Variants in CAMK2D observed in about 807,000 individuals in gnomAD.
CAMK2D encodes the protein calcium/calmodulin dependent protein kinase II delta, also known as calcium/calmodulin-dependent protein kinase type II subunit delta.
In CAMK2D, 37 loss-of-function variants were observed where a neutral mutation model predicts 84.0. The ratio of observed to expected loss-of-function variants is 0.44; its 90% CI spans 0.34 to 0.58. CAMK2D has a LOEUF of 0.58. Ranked by LOEUF, CAMK2D falls within the 20% of genes least tolerant of loss-of-function variation. The probability of loss-of-function intolerance (pLI) is 0.02; values close to 1 mark genes in which losing one functional copy is unlikely to be tolerated. For missense variants in CAMK2D, 448 were observed against 652.5 expected (o/e 0.69, Z 3.41); for synonymous variants, 202 against 212.5 (o/e 0.95, Z 0.43).
At chr4:113,633,502 T>G (rs985531873) in intron 3 of CAMK2D, among the ~76,000 whole-genome samples, 8 of 152,210 alleles carry the variant, frequency 5.3e-5, no homozygotes, top group Admixed American at 2.0e-4. Flanking sequence ...GTAAATCAAT[T>G]AAAAGCTGCA....
At chr4:113,544,067 A>G (rs2098550779) in intron 6 of CAMK2D, among the ~76,000 whole-genome samples, 2 of 152,260 alleles carry the variant, frequency 1.3e-5, no homozygotes, top group Admixed American at 6.5e-5. Flanking sequence ...AATTGTCTTC[A>G]TGTGGCAATT....
chr4:113,598,406 G>A (rs1478534295), intron 4 of CAMK2D, among the ~76,000 whole-genome samples: 1 of 151,924 alleles, frequency 6.6e-6, no homozygotes, highest in African/African-American at 2.4e-5. Context: ...ACACACCTAT[G>A]TTTTATGTAA....
chr4:113,722,703 C>T (rs1445892520), intron 2 of CAMK2D, among the ~76,000 whole-genome samples: 1 of 152,078 alleles, frequency 6.6e-6, no homozygotes, highest in Non-Finnish European at 1.5e-5. Context: ...ACAAGATGTA[C>T]GGTCATGCAG....
At chr4:113,528,500 T>G (rs74422246) in intron 8 of CAMK2D, among the ~76,000 whole-genome samples, 8,516 of 151,944 alleles carry the variant, frequency 0.056, 334 homozygotes, top group Non-Finnish European at 0.081. Flanking sequence ...CAAGGAGAGA[T>G]AAACACAAAG....
At chr4:113,616,931 A>G (rs1561382679) in intron 3 of CAMK2D, among the ~76,000 whole-genome samples, 1 of 152,280 alleles carries the variant, frequency 6.6e-6, no homozygotes. Flanking sequence ...TTTGTTTTCT[A>G]AAAAGGTAAT....
chr4:113,712,478 T>C (rs2099496522), intron 2 of CAMK2D, among the ~76,000 whole-genome samples: 1 of 152,098 alleles, frequency 6.6e-6, no homozygotes, highest in Non-Finnish European at 1.5e-5. Context: ...CTGGCCCAAT[T>C]AAATATTAAC....
intron 5 of CAMK2D, among the ~76,000 whole-genome samples, chr4:113,550,615 G>T (rs916517085): frequency 2.0e-5 from 3 of 152,146 alleles, no homozygotes; most frequent in African/African-American, 7.2e-5. Context: ...TTCAAACCAA[G>T]TAACAGCCTG....
intron 17 of CAMK2D, 29 bp from the exon 18 acceptor site, chr4:113,460,270 A>G (rs1305380511): frequency 8.7e-7 from 1 of 1,152,812 alleles, no homozygotes; most frequent in East Asian, 2.3e-5. Flanking sequence ...GAAAACAACC[A>G]ATTAATAGGT....
At position 113,547,665 on chromosome 4, in the gene CAMK2D, G is replaced by A. The variant is rs759254313; in HGVS notation, c.393C>T (p.Gly131=). 1.0e-5 allele frequency: 16 copies of A among 1,568,852 alleles called. No individual in the cohort carries two copies. The highest frequency in any genetic ancestry group is 1.8e-5 in the Admixed American group (1 of 56,284). ...TCACCTTCAGGTCCCGATGGACCAC[G>A]CCCATCTGATGGCAGTGTAGCACAG... ...LEAVLHCHQM[G]VVHRDLKPEN... Residue 131 remains glycine (G), a synonymous_variant, in exon 6 of 21, where the codon GGC becomes GGT. Coordinates refer to ENST00000511664, the MANE Select transcript of CAMK2D (RefSeq NM_001321571.2).
In CAMK2D at chr4:113,527,255, A is replaced by G. The variant is rs2098424911; in HGVS notation, c.601+3961T>C. ...CAGATGATGATGATGATATTTTAGCAATACAGTTTTTTTTTTTCTTTTTTC... is the reference window on the plus strand; with the variant it reads ...CAGATGATGATGATGATATTTTAGCGATACAGTTTTTTTTTTTCTTTTTTC... On this transcript the variant is annotated intron_variant, in intron 8 of 20. Transcript: ENST00000511664. Among the ~76,000 whole-genome samples, 3 of 149,504 alleles carry G rather than the reference A, an allele frequency of 2.0e-5. No homozygotes were observed. The Admixed American group carries it at 2.0e-4, about 10-fold the overall frequency.
intron 2 of CAMK2D, among the ~76,000 whole-genome samples, chr4:113,685,845 C>A (rs55786712): frequency 0.18 from 27,337 of 151,878 alleles, 2,926 homozygotes; most frequent in South Asian, 0.32. Flanking sequence ...AGGTGGATCA[C>A]TTGAGGTCAG....
chr4:113,539,617 C>T (rs1375424263), intron 6 of CAMK2D, among the ~76,000 whole-genome samples: 2 of 152,162 alleles, frequency 1.3e-5, no homozygotes, highest in Non-Finnish European at 2.9e-5. Flanking sequence ...GGCAAATACT[C>T]ATAACTAACG....
chr4:113,658,332 A>AT (rs1339377720), intron 3 of CAMK2D, among the ~76,000 whole-genome samples: 5 of 152,144 alleles, frequency 3.3e-5, no homozygotes, highest in Non-Finnish European at 7.4e-5. Flanking sequence ...CTCTCATTAG[A>AT]TAAAAAGCTT....
Position 113,620,116 on chromosome 4 carries a change from G to C in CAMK2D, c.221-10910C>G, listed in dbSNP as rs551844047. Among the ~76,000 whole-genome samples, 33 of 152,266 alleles carry C rather than the reference G, an allele frequency of 2.2e-4. 1 individual carries two copies. The South Asian group carries it at 6.6e-3, about 31-fold the overall frequency. On this transcript the variant is annotated intron_variant, in intron 3 of 20. Coordinates refer to ENST00000511664, the MANE Select transcript of CAMK2D (RefSeq NM_001321571.2). Reference sequence around the variant, plus strand: ...ATGTGTTTCTCAAAGATAGGGTTGGGTAAGGATGGAGGTAGGGGATATTGA... The same window carrying C: ...ATGTGTTTCTCAAAGATAGGGTTGGCTAAGGATGGAGGTAGGGGATATTGA...
At chr4:113,470,790 G>A (rs2097538747) in intron 16 of CAMK2D, among the ~76,000 whole-genome samples, 1 of 152,144 alleles carries the variant, frequency 6.6e-6, no homozygotes, top group Non-Finnish European at 1.5e-5. Context: ...CGATTAATCA[G>A]TTTTCTCTAT....
chr4:113,597,082 T>C (rs1025039776), intron 4 of CAMK2D, among the ~76,000 whole-genome samples: 1 of 152,174 alleles, frequency 6.6e-6, no homozygotes, highest in South Asian at 2.1e-4. Context: ...CCTCCCAAAG[T>C]GCTGGGATTA....
At chr4:113,614,688 T>C (rs2099014469) in intron 3 of CAMK2D, among the ~76,000 whole-genome samples, 4 of 152,244 alleles carry the variant, frequency 2.6e-5, no homozygotes, top group South Asian at 4.1e-4. Flanking sequence ...ACTCATAGAA[T>C]TATCACAAAT....
chr4:113,613,347 G>A (rs1264323426), intron 3 of CAMK2D, among the ~76,000 whole-genome samples: 1 of 151,990 alleles, frequency 6.6e-6, no homozygotes, highest in Non-Finnish European at 1.5e-5. Context: ...AATACTACGT[G>A]GGCTCCCTGA....
At chr4:113,510,307 C>A (rs564749096) in intron 12 of CAMK2D, among the ~76,000 whole-genome samples, 1 of 152,050 alleles carries the variant, frequency 6.6e-6, no homozygotes, top group African/African-American at 2.4e-5. Flanking sequence ...TTCTTTTATA[C>A]ATTAAAATCA....
Sources: allele counts gnomAD v4.1 joint callset (sites outside exome capture counted in the v4.1 genomes callset), GRCh38; gene constraint gnomAD v4.1.1; transcripts MANE v1.5; gene names NCBI Gene and HGNC (gene_info 2026-07-23, HGNC 2026-07-21).